STMN1: variants seen among roughly 807,000 people sequenced by gnomAD.
The protein encoded by STMN1 is stathmin.
A neutral mutation model predicts 19.7 loss-of-function variants in STMN1; 3 were observed. The ratio of observed to expected loss-of-function variants is 0.15; its 90% CI spans 0.07 to 0.39. STMN1 has a LOEUF of 0.39. Among genes scored for constraint, STMN1 ranks in the 10% least tolerant of loss-of-function variants. STMN1 has a pLI of 1.00. For missense variants in STMN1, 99 were observed against 176.0 expected (o/e 0.56, Z 2.48); for synonymous variants, 59 against 58.9 (o/e 1.00, Z -0.01).
intron 4 of STMN1, among the ~76,000 whole-genome samples, chr1:25,894,516 C>CA (rs2048802303): frequency 6.6e-6 from 1 of 152,068 alleles, no homozygotes; most frequent in Admixed American, 6.5e-5. Context: ...CTTGTCTCTA[C>CA]AAAAAATACG....
chr1:25,890,669 C>T (rs1037561737), intron 4 of STMN1, among the ~76,000 whole-genome samples: 2 of 152,228 alleles, frequency 1.3e-5, no homozygotes, highest in African/African-American at 2.4e-5. Context: ...GCCAGGTAGT[C>T]ATCTAGCTGC....
rs1228733872 is a variant in STMN1 at position 25,905,660 on chromosome 1, T to C, written c.-63+729A>G. ...GGGGAGGGGTGGGCGGGGCTAACGG[T>C]CCAATCCGGGTAACTCCGCCCCTGC... On this transcript the variant is annotated intron_variant, in intron 1 of 4. Coordinates refer to ENST00000455785, the MANE Select transcript of STMN1 (RefSeq NM_005563.4). 2.6e-5 allele frequency among the ~76,000 whole-genome samples: 4 copies of C among 151,324 alleles called. No individual in the cohort carries two copies. The South Asian group carries it at 6.3e-4, about 24-fold the overall frequency.
At position 25,901,524 on chromosome 1, in the gene STMN1, T is replaced by C; in HGVS notation, c.345A>G (p.Gln115=). ...MEANKENREA[Q]MAAKLERLRE... ...GCAAACGTTCCAGTTTGGCAGCCATTTGTGCCTCTCGGTTCTCTTTATTAG... is the reference window on the plus strand; with the variant it reads ...GCAAACGTTCCAGTTTGGCAGCCATCTGTGCCTCTCGGTTCTCTTTATTAG... Residue 115 remains glutamine, a synonymous_variant, in exon 4 of 5, where the codon CAA becomes CAG. Transcript: ENST00000455785. 6.2e-7 allele frequency: 1 copy of C among 1,611,524 alleles called. No individual in the cohort carries two copies. Among genetic ancestry groups the C allele is most frequent in the Non-Finnish European group, 8.5e-7 (1 of 1,179,318 alleles).
intron 4 of STMN1, among the ~76,000 whole-genome samples, chr1:25,887,923 G>T (rs2048738480): frequency 1.3e-5 from 2 of 152,190 alleles, no homozygotes. Context: ...TTGACTTCGT[G>T]ATCCACCCAC....
chr1:25,892,850 C>G (rs968136970), intron 4 of STMN1, among the ~76,000 whole-genome samples: 1 of 152,166 alleles, frequency 6.6e-6, no homozygotes, highest in Admixed American at 6.5e-5. Flanking sequence ...AACTCCACTC[C>G]GTGATTTGGG....
chr1:25,885,677 G>A (rs897505947), exon 5 of STMN1: 2 of 1,528,206 alleles, frequency 1.3e-6, no homozygotes, highest in East Asian at 2.5e-5. Context: ...CTGTTCATCA[G>A]TCTCAAGGTC....
At chr1:25,886,991 C>T (rs1416480768) in intron 4 of STMN1, among the ~76,000 whole-genome samples, 1 of 152,148 alleles carries the variant, frequency 6.6e-6, no homozygotes, top group Non-Finnish European at 1.5e-5. Flanking sequence ...CCACCCTGTT[C>T]TGACTTGGAT....
At position 25,903,833 on chromosome 1, in the gene STMN1, T is replaced by C. The variant is rs770268207; in HGVS notation, c.14-20A>G. ...GGATATCTAGAATTGATTATATTTA[T>C]AATTCAGAAAACCAGGATTCTCCTG... is the stretch of plus-strand genomic sequence containing the variant. On this transcript the variant is annotated intron_variant, in intron 2 of 4. Coordinates refer to ENST00000455785, the MANE Select transcript of STMN1 (RefSeq NM_005563.4). The C allele has an allele frequency of 5.1e-6, 8 of 1,576,792 alleles. No individual in the cohort carries two copies. Among genetic ancestry groups the C allele is most frequent in the Non-Finnish European group, 6.0e-6 (7 of 1,167,018 alleles).
chr1:25,886,929 G>A (rs2048726936), intron 4 of STMN1, among the ~76,000 whole-genome samples: 1 of 151,936 alleles, frequency 6.6e-6, no homozygotes, highest in Non-Finnish European at 1.5e-5. Flanking sequence ...TCTCATCTGG[G>A]ACTCAGCTCA....
exon 5 of STMN1, chr1:25,885,687 C>T: frequency 6.5e-7 from 1 of 1,536,250 alleles, no homozygotes; most frequent in South Asian, 1.2e-5. Flanking sequence ...GTCTCAAGGT[C>T]ATTGCTATCA....
chr1:25,885,781 G>C (rs2048715886), exon 5 of STMN1: 1 of 1,551,744 alleles, frequency 6.4e-7, no homozygotes, highest in East Asian at 2.4e-5. Flanking sequence ...GCCCAGGGCT[G>C]GGCAAAGGGC....
intron 4 of STMN1, 75 bp from the exon 5 acceptor site, chr1:25,901,162 G>GCC: frequency 6.7e-7 from 1 of 1,498,648 alleles, no homozygotes; most frequent in Non-Finnish European, 8.9e-7. Context: ...ACGACCCCCA[G>GCC]CCCCCACCTC....
intron 4 of STMN1, among the ~76,000 whole-genome samples, chr1:25,891,816 A>G (rs1325083814): frequency 6.6e-6 from 1 of 152,016 alleles, no homozygotes; most frequent in African/African-American, 2.4e-5. Flanking sequence ...CCACCAACAC[A>G]CACAATGAGG....
At chr1:25,895,133 C>T (rs191816111), downstream of STMN1, among the ~76,000 whole-genome samples, 80 of 142,086 alleles carry the variant, frequency 5.6e-4, 1 homozygote, top group East Asian at 4.7e-3. Context: ...GACACAGTAT[C>T]GCTCTGTTGC....
chr1:25,893,626 C>T (rs1572295749), intron 4 of STMN1, among the ~76,000 whole-genome samples: 2 of 152,150 alleles, frequency 1.3e-5, no homozygotes, highest in Admixed American at 1.3e-4. Flanking sequence ...CTGCAACCTC[C>T]GCCTCCTAGG....
In STMN1 at chr1:25,901,677, A is replaced by G. The variant is rs766692592; in HGVS notation, c.192T>C (p.His64=). 4 of 1,607,060 alleles carry G rather than the reference A, an allele frequency of 2.5e-6. No homozygotes were observed. Among genetic ancestry groups the G allele is most frequent in the Non-Finnish European group, 2.5e-6 (3 of 1,177,798 alleles). ...LEAAEERRKS[H]EAEVLKQLAE... ...CCAGCTGCTTCAAGACCTCAGCTTC[A>G]TGGGACTGGAAAAAAAAGTTTAATA... The change falls in exon 4 of 5, where the codon CAT becomes CAC. Residue 64 remains histidine, a synonymous_variant. Transcript: ENST00000455785.
chr1:25,900,938 AAAAT>A lies in STMN1; in HGVS notation c.*74_*77del. On this transcript the variant is annotated 3_prime_UTR_variant, in exon 5 of 5. Transcript: ENST00000455785. Reference sequence around the variant, plus strand: ...TTCTAAAATATTTGTCAGGAGGGAAAAAATAAAATGACACTGGCCAGTACAGTCT... The same window carrying A: ...TTCTAAAATATTTGTCAGGAGGGAAAAAAATGACACTGGCCAGTACAGTCT... The A allele has an allele frequency of 6.2e-7, 1 of 1,605,512 alleles. No individual in the cohort carries two copies.
At chr1:25,890,179 C>G (rs961195228) in intron 4 of STMN1, among the ~76,000 whole-genome samples, 10 of 152,184 alleles carry the variant, frequency 6.6e-5, no homozygotes, top group African/African-American at 2.4e-4. Context: ...TCTTAGGGAA[C>G]CTTCTAGCTC....
At chr1:25,887,779 C>T (rs1030137540) in intron 4 of STMN1, among the ~76,000 whole-genome samples, 1 of 152,166 alleles carries the variant, frequency 6.6e-6, no homozygotes, top group Non-Finnish European at 1.5e-5. Context: ...CTCCGCCTCC[C>T]GAGTTCAAGT....
Sources: allele counts gnomAD v4.1 joint callset (sites outside exome capture counted in the v4.1 genomes callset), GRCh38; gene constraint gnomAD v4.1.1; transcripts MANE v1.5; gene names NCBI Gene and HGNC (gene_info 2026-07-23, HGNC 2026-07-21).